The following PLA2G4D variants were observed in gnomAD, a reference collection of about 807,000 sequenced individuals.
PLA2G4D encodes the protein phospholipase A2 group IVD.
In PLA2G4D, 80 loss-of-function variants were observed where a neutral mutation model predicts 94.4. That is an observed-to-expected ratio of 0.85 (90% confidence interval 0.71 to 1.02). The LOEUF is 1.02. Among genes scored for constraint, PLA2G4D ranks in the 50% least tolerant of loss-of-function variants. The pLI is 0.00. For synonymous variants in PLA2G4D, 438 were observed against 440.9 expected, an observed-to-expected ratio of 0.99 and a Z score of 0.08; for missense variants, 1,050 against 1,034.7, an observed-to-expected ratio of 1.01 and a Z score of -0.20.
Position 42,086,195 on chromosome 15 carries a change from C to CG in PLA2G4D, c.387+17_387+18insC. On this transcript the variant is annotated intron_variant, in intron 4 of 19. Transcript: ENST00000290472. Reference sequence around the variant, plus strand: ...GAAGAAGTGGGGCCCACGGGGACTTCCCCACCCACCCACCCACCTGGGGAC... The same window carrying CG: ...GAAGAAGTGGGGCCCACGGGGACTTCGCCCACCCACCCACCCACCTGGGGAC... The CG allele has an allele frequency of 8.3e-6, 3 of 361,588 alleles. No homozygotes were observed. The highest frequency in any genetic ancestry group is 9.9e-6 in the Non-Finnish European group (2 of 201,834). The allele number at this position is 361,588 out of a possible 1,614,324, so 22.4% of individuals were successfully genotyped here. A position where few individuals can be genotyped will look rare whatever the true frequency, so the allele number is the denominator to read the frequency against.
chr15:42,079,692 C>A lies in PLA2G4D; in HGVS notation c.1162G>T (p.Ala388Ser), dbSNP rs999909538. Residue 388 changes from alanine to serine, a missense_variant, in exon 13 of 20, where the codon GCC becomes TCC. Transcript: ENST00000290472. Reference sequence around the variant, plus strand: ...TTGCTCTTGGCCAGGTGCTCCCGGGCGTATCTGATAGGTCCCTCCAGGTCC... The same window carrying A: ...TTGCTCTTGGCCAGGTGCTCCCGGGAGTATCTGATAGGTCCCTCCAGGTCC... ...QRDLEGPIRYAREHLAKSKLE... is the reference protein window; with the variant it reads ...QRDLEGPIRYSREHLAKSKLE... 10 of 1,612,418 alleles carry A rather than the reference C, an allele frequency of 6.2e-6. No individual in the cohort carries two copies. Among genetic ancestry groups the A allele is most frequent in the Admixed American group, 1.7e-5 (1 of 59,614 alleles).
intron 1 of PLA2G4D, among the ~76,000 whole-genome samples, chr15:42,092,741 G>C (rs1890265745): frequency 6.6e-6 from 1 of 152,166 alleles, no homozygotes; most frequent in Non-Finnish European, 1.5e-5. Context: ...CGGTGGAGAG[G>C]CCCAGGGCAC....
In PLA2G4D at chr15:42,071,327, G is replaced by A; in HGVS notation, c.1682-10C>T. Reference sequence around the variant, plus strand: ...GTCAGGGGCTCCTTCTCTGAAGCCAGAGAAACAGAAATTGGTCCCTTCTTC... The same window carrying A: ...GTCAGGGGCTCCTTCTCTGAAGCCAAAGAAACAGAAATTGGTCCCTTCTTC... On this transcript the variant is annotated splice_polypyrimidine_tract_variant and intron_variant, in intron 16 of 19. Transcript: ENST00000290472. The A allele has an allele frequency of 6.4e-7, 1 of 1,574,250 alleles. No homozygotes were observed. The highest frequency in any genetic ancestry group is 8.6e-7 in the Non-Finnish European group (1 of 1,163,932).
intron 8 of PLA2G4D, 89 bp downstream of exon 8, chr15:42,083,109 C>T: frequency 6.6e-7 from 1 of 1,525,104 alleles, no homozygotes; most frequent in Admixed American, 2.0e-5. Flanking sequence ...GGCCTTGGCC[C>T]TGGTGGGCAG....
At chr15:42,083,923 C>T (rs1029622425) in intron 6 of PLA2G4D, 144 bp from the exon 7 acceptor site, 1 of 760,630 alleles carries the variant, frequency 1.3e-6, no homozygotes, top group African/African-American at 1.7e-5. Context: ...CTGCAGAGGC[C>T]CTTCATCCCA....
chr15:42,071,892 G>C lies in PLA2G4D; in HGVS notation c.1455C>G (p.Pro485=). The stretch of plus-strand genomic sequence containing the variant: ...CGTACTTCAGGAAACCGACCTCATA[G>C]GGGGAGAACTCAACCCACTCTAATG... ...LDFKEWVEFS[P]YEVGFLKYGA... The change falls in exon 15 of 20, where the codon CCC becomes CCG. Residue 485 remains proline, a synonymous_variant. Coordinates refer to ENST00000290472, the MANE Select transcript of PLA2G4D (RefSeq NM_178034.4). The C allele has an allele frequency of 1.2e-6, 2 of 1,614,156 alleles. No individual in the cohort carries two copies. Among genetic ancestry groups the C allele is most frequent in the Non-Finnish European group, 1.7e-6 (2 of 1,180,004 alleles).
chr15:42,073,887 G>A (rs1889873014), intron 13 of PLA2G4D, among the ~76,000 whole-genome samples: 1 of 152,206 alleles, frequency 6.6e-6, no homozygotes, highest in South Asian at 2.1e-4. Flanking sequence ...TTCTGTCCCT[G>A]ACGAGAACAC....
In PLA2G4D at chr15:42,072,475, G is replaced by C; in HGVS notation, c.1318-83C>G. Reference sequence around the variant, plus strand: ...CTCCGCCAGGACAGGGGCAGGATGGGGGACCTGGCTGGGGGTGAGGAGGCA... The same window carrying C: ...CTCCGCCAGGACAGGGGCAGGATGGCGGACCTGGCTGGGGGTGAGGAGGCA... On this transcript the variant is annotated intron_variant, in intron 13 of 19. Transcript: ENST00000290472. The C allele has an allele frequency of 2.7e-6, 3 of 1,128,934 alleles. 1 individual carries two copies. Among genetic ancestry groups the C allele is most frequent in the Non-Finnish European group, 3.9e-6 (3 of 762,808 alleles). The allele number at this position is 1,128,934 out of a possible 1,614,324, so 69.9% of individuals were successfully genotyped here.
chr15:42,083,593 G>A (rs1890084098), intron 7 of PLA2G4D, 123 bp downstream of exon 7: 1 of 1,249,060 alleles, frequency 8.0e-7, no homozygotes, highest in Non-Finnish European at 1.1e-6. Context: ...TGTGCCATGT[G>A]GGTGAGAAGA....
intron 1 of PLA2G4D, among the ~76,000 whole-genome samples, chr15:42,092,213 A>G (rs550178343): frequency 1.6e-4 from 25 of 152,012 alleles, no homozygotes; most frequent in Admixed American, 3.9e-4. Context: ...ATTTCCTCCC[A>G]TTTTCTACAT....
Position 42,071,864 on chromosome 15 carries a change from C to T in PLA2G4D, c.1483G>A (p.Ala495Thr), listed in dbSNP as rs1215756519. Residue 495 changes from alanine to threonine, a missense_variant, in exon 15 of 20, where the codon GCC (alanine) becomes ACC (threonine). Coordinates refer to ENST00000290472, the MANE Select transcript of PLA2G4D (RefSeq NM_178034.4). ...PYEVGFLKYGAFVPPELFGSE... is the reference protein window; with the variant it reads ...PYEVGFLKYGTFVPPELFGSE... ...CCGAAGAGCTCAGGAGGGACGAAGG[C>T]CCCGTACTTCAGGAAACCGACCTCA... 3.1e-6 allele frequency: 5 copies of T among 1,614,176 alleles called. No homozygotes were observed. Among genetic ancestry groups the T allele is most frequent in the Non-Finnish European group, 4.2e-6 (5 of 1,180,010 alleles).
Position 42,094,552 on chromosome 15 carries a change from A to G in PLA2G4D, c.-93T>C. On this transcript the variant is annotated 5_prime_UTR_variant, in exon 1 of 20. Transcript: ENST00000290472. Reference sequence around the variant, plus strand: ...GCGACGGTCCCAGTGGGATAGGACCAGCATGAATCTGCCAGCCTTCAATGA... The same window carrying G: ...GCGACGGTCCCAGTGGGATAGGACCGGCATGAATCTGCCAGCCTTCAATGA... 1 of 1,479,856 alleles carries G rather than the reference A, an allele frequency of 6.8e-7. No homozygotes were observed. The highest frequency in any genetic ancestry group is 1.2e-5 in the South Asian group (1 of 85,882). The allele number at this position is 1,479,856 out of a possible 1,614,324, so 91.7% of individuals were successfully genotyped here.
intron 1 of PLA2G4D, among the ~76,000 whole-genome samples, chr15:42,091,173 C>T (rs867371008): frequency 2.6e-5 from 4 of 152,110 alleles, no homozygotes; most frequent in Non-Finnish European, 2.9e-5. Context: ...GCCACCCAGG[C>T]GCCGAGGCAA....
In PLA2G4D at chr15:42,068,603, AC is replaced by A. The variant is rs1481485124; in HGVS notation, c.*111del. ...GGCAGTGAGACCAGCTACAGAGGCC[AC>A]CCAGGCCTGGGAGAGCCCAGAACTC... On this transcript the variant is annotated 3_prime_UTR_variant, in exon 20 of 20. Transcript: ENST00000290472. 1 of 1,017,920 alleles carries A rather than the reference AC, an allele frequency of 9.8e-7. No individual in the cohort carries two copies. Among genetic ancestry groups the A allele is most frequent in the Non-Finnish European group, 1.4e-6 (1 of 705,360 alleles). 63.1% of individuals were successfully genotyped at this position (1,017,920 alleles called of 1,614,324 possible). A position where few individuals can be genotyped will look rare whatever the true frequency, so the allele number is the denominator to read the frequency against.
At chr15:42,070,208 G>T in intron 18 of PLA2G4D, 113 bp from the exon 19 acceptor site, 1 of 1,112,868 alleles carries the variant, frequency 9.0e-7, no homozygotes, top group Non-Finnish European at 1.2e-6. Flanking sequence ...GCTCTGTCCT[G>T]TTTGTGGTCG....
Position 42,068,597 on chromosome 15 carries a change from GAGGCCACCC to G in PLA2G4D, c.*109_*117del, listed in dbSNP as rs1889729901. 13 of 931,572 alleles carry G rather than the reference GAGGCCACCC, an allele frequency of 1.4e-5. No individual in the cohort carries two copies. Among genetic ancestry groups the G allele is most frequent in the Non-Finnish European group, 2.1e-5 (13 of 629,800 alleles). The allele number at this position is 931,572 out of a possible 1,614,324, so 57.7% of individuals were successfully genotyped here. On this transcript the variant is annotated 3_prime_UTR_variant, in exon 20 of 20. Coordinates refer to ENST00000290472, the MANE Select transcript of PLA2G4D (RefSeq NM_178034.4). ...CCTCTGGGCAGTGAGACCAGCTACA[GAGGCCACCC>G]AGGCCTGGGAGAGCCCAGAACTCCA...
chr15:42,079,825 T>C, intron 12 of PLA2G4D, 66 bp from the exon 13 acceptor site: 1 of 1,495,004 alleles, frequency 6.7e-7, no homozygotes, highest in Non-Finnish European at 9.0e-7. Flanking sequence ...CAACTCCTGC[T>C]TCCCACTCGG....
chr15:42,069,782 G>C, intron 19 of PLA2G4D, 127 bp downstream of exon 19: 1 of 863,206 alleles, frequency 1.2e-6, no homozygotes, highest in Non-Finnish European at 1.6e-6. Context: ...GAGTGGGCCT[G>C]GATGGGCCTA....
rs750461340 is a variant in PLA2G4D at position 42,070,816 on chromosome 15, G to A, written c.1944C>T (p.Ala648=). ...PKEPRLCLVD[A]AYFINTSSPS... is the part of the protein sequence containing the mutation. ...GAGAGCTGGTGTTGATGAAGTAGGCGGCGTCCACCAGGCAGAGCCGGGGCT... is the reference window on the plus strand; with the variant it reads ...GAGAGCTGGTGTTGATGAAGTAGGCAGCGTCCACCAGGCAGAGCCGGGGCT... Residue 648 remains alanine, a synonymous_variant, in exon 18 of 20, where the codon GCC becomes GCT. Transcript: ENST00000290472. 8 of 1,610,114 alleles carry A rather than the reference G, an allele frequency of 5.0e-6. No homozygotes were observed. Among genetic ancestry groups the A allele is most frequent in the African/African-American group, 1.3e-5 (1 of 75,028 alleles).
Sources: allele counts gnomAD v4.1 joint callset (sites outside exome capture counted in the v4.1 genomes callset), GRCh38; gene constraint gnomAD v4.1.1; transcripts MANE v1.5; gene names NCBI Gene and HGNC (gene_info 2026-07-23, HGNC 2026-07-21).